The following TBL1XR1 variants were observed in gnomAD, a reference collection of about 807,000 sequenced individuals.
TBL1XR1 encodes the protein F-box-like/WD repeat-containing protein TBL1XR1.
A neutral mutation model predicts 66.9 loss-of-function variants in TBL1XR1; 5 were observed. That is an observed-to-expected ratio of 0.07 (90% CI 0.04 to 0.16). The LOEUF is 0.16. TBL1XR1 is among the 10% of genes least tolerant of loss of function. The probability of loss-of-function intolerance (pLI) is 1.00; values close to 1 mark genes in which losing one functional copy is unlikely to be tolerated. For missense variants in TBL1XR1, 238 were observed against 623.2 expected (o/e 0.38, Z 6.58); for synonymous variants, 210 against 206.0 (o/e 1.02, Z -0.17).
chr3:177,159,914 A>G (rs1731972330), intron 1 of TBL1XR1, among the ~76,000 whole-genome samples: 1 of 152,194 alleles, frequency 6.6e-6, no homozygotes, highest in South Asian at 2.1e-4. Context: ...TTTTTAAGCT[A>G]TATTAATAGG....
chr3:177,084,089 A>G (rs1422442931), intron 2 of TBL1XR1, among the ~76,000 whole-genome samples: 23 of 139,342 alleles, frequency 1.7e-4, no homozygotes, highest in African/African-American at 5.9e-4. Context: ...CTCCGTCTCA[A>G]AAAAAAAAAA....
At chr3:177,076,545 C>T (rs191114792) in intron 2 of TBL1XR1, among the ~76,000 whole-genome samples, 1 of 152,244 alleles carries the variant, frequency 6.6e-6, no homozygotes, top group East Asian at 1.9e-4. Context: ...TAGGAGGATA[C>T]AATTCAATCT....
At chr3:177,060,712 A>G (rs1482287259) in intron 3 of TBL1XR1, among the ~76,000 whole-genome samples, 2 of 152,218 alleles carry the variant, frequency 1.3e-5, no homozygotes, top group Non-Finnish European at 2.9e-5. Flanking sequence ...GGAGAGATTA[A>G]AAAGGTCCAA....
At chr3:177,131,824 T>TA (rs1728328477) in intron 1 of TBL1XR1, among the ~76,000 whole-genome samples, 1 of 151,646 alleles carries the variant, frequency 6.6e-6, no homozygotes, top group Non-Finnish European at 1.5e-5. Flanking sequence ...TGTCAAATCT[T>TA]AAAACACATT....
intron 1 of TBL1XR1, among the ~76,000 whole-genome samples, chr3:177,125,542 A>G (rs1459294580): frequency 6.6e-6 from 1 of 152,220 alleles, no homozygotes; most frequent in Non-Finnish European, 1.5e-5. Flanking sequence ...ATTTTAAAAA[A>G]CATTTAGTAT....
rs148573789 is a variant in TBL1XR1, at chr3:177,129,826, G to C, written c.-121-31285C>G. 4.7e-4 allele frequency among the ~76,000 whole-genome samples: 71 copies of C among 152,220 alleles called. 1 individual carries two copies. Among genetic ancestry groups the C allele is most frequent in the Admixed American group, 4.5e-3 (69 of 15,300 alleles). ...TATCAATAACTACAACCTCCATGAA[G>C]ACAACCTGGCAGTGAAATTTAAAAA... On this transcript the variant is annotated intron_variant, in intron 1 of 15. Transcript: ENST00000457928.
At chr3:177,093,581 G>A (rs558646023) in intron 2 of TBL1XR1, among the ~76,000 whole-genome samples, 4 of 152,102 alleles carry the variant, frequency 2.6e-5, no homozygotes, top group Non-Finnish European at 5.9e-5. Context: ...TATACTATAA[G>A]GCCATAGTCA....
intron 2 of TBL1XR1, among the ~76,000 whole-genome samples, chr3:177,071,027 ATC>A (rs1719910598): frequency 1.1e-5 from 1 of 94,506 alleles, no homozygotes. Flanking sequence ...TGTTCTGAGA[ATC>A]TGTTTTTTTT....
intron 1 of TBL1XR1, among the ~76,000 whole-genome samples, chr3:177,181,679 T>C (rs1734841305): frequency 6.6e-6 from 1 of 151,856 alleles, no homozygotes; most frequent in African/African-American, 2.4e-5. Flanking sequence ...AGTATACACA[T>C]CCTTTGACCT....
intron 12 of TBL1XR1, among the ~76,000 whole-genome samples, chr3:177,036,550 C>T (rs1714812345): frequency 6.6e-6 from 1 of 152,226 alleles, no homozygotes; most frequent in Non-Finnish European, 1.5e-5. Flanking sequence ...CCTCTGGACA[C>T]TGCCCTTCTG....
chr3:177,041,689 C>A (rs938492101), intron 10 of TBL1XR1, among the ~76,000 whole-genome samples: 1 of 152,172 alleles, frequency 6.6e-6, no homozygotes, highest in Non-Finnish European at 1.5e-5. Context: ...AACTCTCATT[C>A]GTTCCTTACT....
intron 1 of TBL1XR1, among the ~76,000 whole-genome samples, chr3:177,113,510 C>CA (rs948264488): frequency 6.6e-6 from 1 of 152,038 alleles, no homozygotes; most frequent in South Asian, 2.1e-4. Flanking sequence ...AACTCAATAA[C>CA]AAAAAATCAA....
chr3:177,187,297 G>A lies in TBL1XR1; in HGVS notation c.-122+9824C>T, dbSNP rs984198719. The stretch of plus-strand genomic sequence containing the variant: ...CAATCCCAGCTGCTCGGGAGACTGA[G>A]GCAGGGAGAATCGCTTGAACCCGGG... On this transcript the variant is annotated intron_variant, in intron 1 of 15. Coordinates refer to ENST00000457928, the MANE Select transcript of TBL1XR1 (RefSeq NM_024665.7). Among the ~76,000 whole-genome samples, 18 of 151,494 alleles carry A rather than the reference G, an allele frequency of 1.2e-4. No individual in the cohort carries two copies. In the South Asian group the frequency reaches 2.1e-3, roughly 17 times the overall value.
intron 2 of TBL1XR1, among the ~76,000 whole-genome samples, chr3:177,075,583 T>C (rs894974834): frequency 2.0e-5 from 3 of 152,184 alleles, no homozygotes; most frequent in African/African-American, 4.8e-5. Flanking sequence ...TATTTCACTT[T>C]TTCAGGCTGA....
chr3:177,043,486 C>A (rs971828540), intron 10 of TBL1XR1, among the ~76,000 whole-genome samples: 2 of 152,110 alleles, frequency 1.3e-5, no homozygotes, highest in African/African-American at 2.4e-5. Flanking sequence ...CTGTCTCTTG[C>A]TGAAATGCAT....
chr3:177,090,415 A>G (rs1722677413), intron 2 of TBL1XR1, among the ~76,000 whole-genome samples: 1 of 151,738 alleles, frequency 6.6e-6, no homozygotes, highest in African/African-American at 2.4e-5. Flanking sequence ...ATAGTGGCTC[A>G]GGCCTGTAAT....
intron 2 of TBL1XR1, among the ~76,000 whole-genome samples, chr3:177,070,648 G>C (rs1013794119): frequency 6.6e-6 from 1 of 151,994 alleles, no homozygotes; most frequent in African/African-American, 2.4e-5. Flanking sequence ...CAGGAGTTCA[G>C]GGCCAGCCTG....
rs900198949 is a variant in TBL1XR1, at chr3:177,131,233, T to A, written c.-121-32692A>T. 22 of 515,254 alleles carry A rather than the reference T, an allele frequency of 4.3e-5. 1 individual carries two copies. Among genetic ancestry groups the A allele is most frequent in the Non-Finnish European group, 5.5e-5 (22 of 400,418 alleles). 31.9% of individuals were successfully genotyped at this position (515,254 alleles called of 1,614,324 possible). The stretch of plus-strand genomic sequence containing the variant: ...AAAGAGAACATACTGAATGCCTAAC[T>A]CTTCATTCAAAGACACATAGCAACA... On this transcript the variant is annotated intron_variant, in intron 1 of 15. Coordinates refer to ENST00000457928, the MANE Select transcript of TBL1XR1 (RefSeq NM_024665.7).
chr3:177,101,288 A>ATTT (rs11302084), intron 1 of TBL1XR1, among the ~76,000 whole-genome samples: 1 of 147,572 alleles, frequency 6.8e-6, no homozygotes. Flanking sequence ...TTTAGATGCA[A>ATTT]TTTTTTTTTT....
Sources: allele counts gnomAD v4.1 joint callset (sites outside exome capture counted in the v4.1 genomes callset), GRCh38; gene constraint gnomAD v4.1.1; transcripts MANE v1.5; gene names NCBI Gene and HGNC (gene_info 2026-07-23, HGNC 2026-07-21).